Variants in STARD3NL observed in about 807,000 individuals in gnomAD.
STARD3NL encodes the protein STARD3 N-terminal-like protein.
STARD3NL carries 17 observed loss-of-function variants against 30.9 expected under a neutral mutation model. The ratio of observed to expected loss-of-function variants is 0.55; its 90% CI spans 0.38 to 0.82. The LOEUF (loss-of-function observed/expected upper bound fraction) is 0.82. Ranked by LOEUF, STARD3NL falls within the 40% of genes least tolerant of loss-of-function variation. The pLI is 0.00. For synonymous variants in STARD3NL, 112 were observed against 100.5 expected, an observed-to-expected ratio of 1.11 and a Z score of -0.69; for missense variants, 234 against 277.6, an observed-to-expected ratio of 0.84 and a Z score of 1.12.
chr7:38,198,567 T>C (rs1481186224), intron 1 of STARD3NL, among the ~76,000 whole-genome samples: 1 of 152,212 alleles, frequency 6.6e-6, no homozygotes, highest in Non-Finnish European at 1.5e-5. Context: ...CCTTTCTAAA[T>C]TAAATATTTT....
rs940270232 is a variant in STARD3NL, at chr7:38,228,661, C to A, written c.650-138C>A. ...AATAAAGCTTTCAAATAGCAGTTAA[C>A]CTAAATCTCTTGAGGATTAAACATA... On this transcript the variant is annotated intron_variant, in intron 7 of 8. Transcript: ENST00000009041. The A allele has an allele frequency of 1.1e-5, 7 of 622,346 alleles. No homozygotes were observed. The African/African-American group carries it at 1.3e-4, about 11-fold the overall frequency. 38.6% of individuals were successfully genotyped at this position (622,346 alleles called of 1,614,324 possible).
intron 1 of STARD3NL, among the ~76,000 whole-genome samples, chr7:38,203,989 T>C (rs2116194038): frequency 6.6e-6 from 1 of 152,168 alleles, no homozygotes; most frequent in Non-Finnish European, 1.5e-5. Flanking sequence ...ATAAAGCAAG[T>C]CCTTAGAGAC....
At chr7:38,222,141 T>TCACACACACACACACACACA (rs3223376) in intron 7 of STARD3NL, among the ~76,000 whole-genome samples, 5 of 144,304 alleles carry the variant, frequency 3.5e-5, no homozygotes, top group African/African-American at 1.3e-4. Flanking sequence ...GTTAATATTT[T>TCACACACACACACACACACA]CACACACACA....
rs936669544 is a variant in STARD3NL, at chr7:38,222,186, G to C, written c.649+2526G>C. ...ACACACACACACACACACACACACA[G>C]AGTGGTAAAAGGGATTCCAGACAGA... is the stretch of plus-strand genomic sequence containing the variant. On this transcript the variant is annotated intron_variant, in intron 7 of 8. Coordinates refer to ENST00000009041, the MANE Select transcript of STARD3NL (RefSeq NM_032016.4). 5.3e-4 allele frequency among the ~76,000 whole-genome samples: 57 copies of C among 106,916 alleles called. 1 individual carries two copies. Among genetic ancestry groups the C allele is most frequent in the Admixed American group, 2.1e-3 (22 of 10,234 alleles). 70.1% of individuals were successfully genotyped at this position (106,916 alleles called of 152,430 possible).
intron 1 of STARD3NL, among the ~76,000 whole-genome samples, chr7:38,181,617 A>G (rs1233837921): frequency 6.6e-6 from 1 of 152,212 alleles, no homozygotes; most frequent in African/African-American, 2.4e-5. Context: ...TTTCTTTAGA[A>G]TAATTTTAAT....
intron 6 of STARD3NL, among the ~76,000 whole-genome samples, chr7:38,218,585 A>G (rs1583823476): frequency 1.3e-5 from 2 of 152,376 alleles, no homozygotes; most frequent in Admixed American, 1.3e-4. Context: ...AAAGTGACTA[A>G]TAAAGCAGAA....
chr7:38,211,731 G>A (rs1785815193), intron 2 of STARD3NL, among the ~76,000 whole-genome samples: 2 of 152,148 alleles, frequency 1.3e-5, no homozygotes, highest in African/African-American at 4.8e-5. Context: ...CCAGTTGGAT[G>A]TCTGACTTAA....
At chr7:38,221,218 A>T (rs1030936353) in intron 7 of STARD3NL, among the ~76,000 whole-genome samples, 2 of 152,146 alleles carry the variant, frequency 1.3e-5, no homozygotes, top group Non-Finnish European at 2.9e-5. Flanking sequence ...ATGGTAAAAA[A>T]CCCACTATTT....
At chr7:38,214,330 G>C in intron 2 of STARD3NL, 27 bp from the exon 3 acceptor site, 1 of 1,485,156 alleles carries the variant, frequency 6.7e-7, no homozygotes. Context: ...ACCTCTCCTT[G>C]TTTTTGCTTC....
intron 1 of STARD3NL, 38 bp downstream of exon 1, chr7:38,178,458 G>C: frequency 6.6e-6 from 1 of 152,476 alleles, no homozygotes; most frequent in East Asian, 1.9e-4. Flanking sequence ...TGACAGGTTG[G>C]AAAACTGAGT....
intron 7 of STARD3NL, among the ~76,000 whole-genome samples, chr7:38,223,061 G>A (rs998609183): frequency 6.6e-6 from 1 of 151,984 alleles, no homozygotes; most frequent in Middle Eastern, 3.2e-3. Flanking sequence ...GGCCTGACGT[G>A]CCTTTTTTTG....
At chr7:38,206,517 T>A (rs140304033) in intron 1 of STARD3NL, among the ~76,000 whole-genome samples, 259 of 152,368 alleles carry the variant, frequency 1.7e-3, no homozygotes, top group African/African-American at 6.0e-3. Context: ...TTACTCATTT[T>A]TAATTTTTAT....
chr7:38,228,416 ATTG>A (rs763213698), intron 7 of STARD3NL, among the ~76,000 whole-genome samples: 6 of 152,190 alleles, frequency 3.9e-5, no homozygotes, highest in Non-Finnish European at 7.3e-5. Context: ...TGCCACAGCC[ATTG>A]TTAGAAACAC....
At chr7:38,203,920 A>G (rs772572119) in intron 1 of STARD3NL, among the ~76,000 whole-genome samples, 75 of 152,200 alleles carry the variant, frequency 4.9e-4, no homozygotes, top group Non-Finnish European at 8.4e-4. Context: ...ATTCAACAAG[A>G]AGAGCTAACT....
At chr7:38,181,719 A>G (rs183477297) in intron 1 of STARD3NL, among the ~76,000 whole-genome samples, 50 of 152,338 alleles carry the variant, frequency 3.3e-4, no homozygotes, top group Admixed American at 2.1e-3. Flanking sequence ...CCAAACCTAG[A>G]CATCCTGGCT....
chr7:38,192,496 A>C (rs1784728495), intron 1 of STARD3NL, among the ~76,000 whole-genome samples: 1 of 152,174 alleles, frequency 6.6e-6, no homozygotes. Flanking sequence ...AGTGGCACTC[A>C]AGGTGCTACT....
chr7:38,208,977 C>T (rs1489016553), intron 2 of STARD3NL, among the ~76,000 whole-genome samples: 1 of 152,134 alleles, frequency 6.6e-6, no homozygotes, highest in South Asian at 2.1e-4. Context: ...GAACTAAACT[C>T]GTTATGAAAG....
chr7:38,214,895 C>T (rs1786011483), intron 3 of STARD3NL, 133 bp from the exon 4 acceptor site: 1 of 747,822 alleles, frequency 1.3e-6, no homozygotes, highest in East Asian at 2.7e-5. Context: ...AAATGCTGGT[C>T]TACAGACCAG....
At chr7:38,191,375 C>T (rs2116011671) in intron 1 of STARD3NL, among the ~76,000 whole-genome samples, 1 of 152,132 alleles carries the variant, frequency 6.6e-6, no homozygotes, top group African/African-American at 2.4e-5. Context: ...TAAGTTGTCC[C>T]AAATGGACCA....
Sources: allele counts gnomAD v4.1 joint callset (sites outside exome capture counted in the v4.1 genomes callset), GRCh38; gene constraint gnomAD v4.1.1; transcripts MANE v1.5; gene names NCBI Gene and HGNC (gene_info 2026-07-23, HGNC 2026-07-21).